The following PRH1 variants were observed in gnomAD, a reference collection of about 807,000 sequenced individuals.
PRH1 encodes salivary acidic proline-rich phosphoprotein 1/2.
A neutral mutation model predicts 7.9 loss-of-function variants in PRH1; 7 were observed. The observed-to-expected ratio is 0.89, with a 90% confidence interval of 0.50 to 1.67. PRH1 has a LOEUF of 1.67. Among genes scored for constraint, PRH1 ranks in the 40% most tolerant of loss-of-function variants. The pLI is 0.00. For synonymous variants in PRH1, 45 were observed against 80.8 expected (o/e 0.56, Z 2.38); for missense variants, 109 against 223.6 (o/e 0.49, Z 3.27).
At chr12:11,042,722 C>T (rs966530056) in intron 1 of PRH1, among the ~76,000 whole-genome samples, 1 of 149,394 alleles carries the variant, frequency 6.7e-6, no homozygotes, top group African/African-American at 2.5e-5. Context: ...CGCCACCTCC[C>T]GGGTTCACGC....
rs1944951105 is a variant in PRH1, at chr12:11,092,341, G to A, written n.124-45153C>T. 16 of 334,750 alleles carry A rather than the reference G, an allele frequency of 4.8e-5. 3 individuals carry two copies. The highest frequency in any genetic ancestry group is 1.0e-4 in the South Asian group (3 of 28,712). The allele number at this position is 334,750 out of a possible 1,614,324, so 20.7% of individuals were successfully genotyped here. A position where few individuals can be genotyped will look rare whatever the true frequency, so the allele number is the denominator to read the frequency against. On this transcript the variant is annotated intron_variant and non_coding_transcript_variant, in intron 1 of 4. Transcript: ENST00000541977. ...TCAAAAGGGAGCCACTGACCTTCAC[G>A]GTGAGTGTTGCTGCTCTTAAAGATG...
In PRH1 at chr12:10,916,923, A is replaced by ATAAAT. The variant is rs1224074899; in HGVS notation, c.-58-32649_-58-32648insATTTA. On this transcript the variant is annotated intron_variant, in intron 2 of 3. Coordinates refer to the PRH1 transcript ENST00000539853. ...ATAAAATAAAATAAAATAAAATAAA[A>ATAAAT]AAAATAGCTGGGCATGGTGGTGCAC... is the stretch of plus-strand genomic sequence containing the variant. Among the ~76,000 whole-genome samples the ATAAAT allele has an allele frequency of 3.9e-3, 580 of 150,272 alleles. 80 individuals are homozygous for ATAAAT. The highest frequency in any genetic ancestry group is 0.011 in the African/African-American group (464 of 40,818).
intron 2 of PRH1, chr12:10,937,606 AC>A (rs1950309960): frequency 6.6e-6 from 1 of 152,148 alleles, no homozygotes; most frequent in Non-Finnish European, 1.5e-5. Context: ...GAATGTTCAA[AC>A]CATTTCATTA....
intron 2 of PRH1, among the ~76,000 whole-genome samples, chr12:10,907,744 G>T (rs1949826453): frequency 1.3e-5 from 2 of 150,532 alleles, no homozygotes; most frequent in Non-Finnish European, 3.0e-5. Flanking sequence ...CTAACATGTT[G>T]CATTTTATTA....
chr12:10,927,998 C>T (rs1950147211), intron 2 of PRH1, among the ~76,000 whole-genome samples: 1 of 151,482 alleles, frequency 6.6e-6, no homozygotes, highest in South Asian at 2.1e-4. Flanking sequence ...ATTGTAGAGA[C>T]AAAAATGAAA....
At chr12:11,012,888 T>TTTTGAG (rs1438436925) in intron 1 of PRH1, among the ~76,000 whole-genome samples, 3 of 152,174 alleles carry the variant, frequency 2.0e-5, no homozygotes, top group African/African-American at 7.2e-5. Flanking sequence ...TACAGAAGGT[T>TTTTGAG]CAGAAAGGCA....
intron 2 of PRH1, among the ~76,000 whole-genome samples, chr12:10,936,422 A>G (rs1052213380): frequency 6.6e-6 from 1 of 152,258 alleles, no homozygotes; most frequent in South Asian, 2.1e-4. Context: ...TTGACATGCA[A>G]TAAGTTGTAC....
At chr12:11,021,673 C>A (rs1263007769) in intron 1 of PRH1, 3 of 1,607,380 alleles carry the variant, frequency 1.9e-6, no homozygotes, top group African/African-American at 2.7e-5. Context: ...TTCTTTCACT[C>A]AGCGTGTCAT....
chr12:11,061,237 C>A (rs570518061), intron 1 of PRH1: 3 of 1,214,488 alleles, frequency 2.5e-6, no homozygotes, highest in African/African-American at 1.5e-5. Flanking sequence ...AGGTAAAAGA[C>A]TTTTCTAGGT....
chr12:11,031,378 G>T, intron 1 of PRH1: 1 of 1,295,208 alleles, frequency 7.7e-7, no homozygotes, highest in Non-Finnish European at 1.1e-6. Context: ...CTGGTGTTGT[G>T]TCCGGAGTTG....
At chr12:11,101,740 A>G (rs1231610240) in intron 1 of PRH1, among the ~76,000 whole-genome samples, 1 of 152,222 alleles carries the variant, frequency 6.6e-6, no homozygotes, top group African/African-American at 2.4e-5. Flanking sequence ...GTTAAAATTG[A>G]TGTTACCATA....
chr12:11,151,171 C>A (rs1162372888), intron 1 of PRH1, among the ~76,000 whole-genome samples: 1 of 152,172 alleles, frequency 6.6e-6, no homozygotes, highest in Non-Finnish European at 1.5e-5. Context: ...GATTTACCTG[C>A]AGCAGCTGAA....
chr12:11,114,839 G>A (rs1376569799), intron 1 of PRH1, among the ~76,000 whole-genome samples: 1 of 151,988 alleles, frequency 6.6e-6, no homozygotes, highest in Non-Finnish European at 1.5e-5. Context: ...TGAAATAATG[G>A]GTTAGAGGGT....
chr12:11,126,341 T>C (rs1282486577), intron 1 of PRH1, among the ~76,000 whole-genome samples: 2 of 151,306 alleles, frequency 1.3e-5, no homozygotes, highest in African/African-American at 4.9e-5. Context: ...GTAAACTTTA[T>C]ATAAATGTAA....
In PRH1 at chr12:11,077,465, C is replaced by G. The variant is rs1473253245; in HGVS notation, n.124-30277G>C. On this transcript the variant is annotated intron_variant and non_coding_transcript_variant, in intron 1 of 4. Transcript: ENST00000541977. ...CCAAGAGTTTGGCAAAGCAGGAATA[C>G]AAGTTTGTTCTGCTGTGTTCAAAGA... The G allele has an allele frequency of 6.0e-6, 5 of 836,232 alleles. 1 individual carries two copies. In the African/African-American group the frequency reaches 9.1e-5, roughly 15 times the overall value. 51.8% of individuals were successfully genotyped at this position (836,232 alleles called of 1,614,324 possible). A position where few individuals can be genotyped will look rare whatever the true frequency, so the allele number is the denominator to read the frequency against.
At chr12:11,160,338 C>T (rs537155677) in intron 1 of PRH1, among the ~76,000 whole-genome samples, 9 of 152,220 alleles carry the variant, frequency 5.9e-5, no homozygotes, top group African/African-American at 2.2e-4. Flanking sequence ...TGCAATGTTA[C>T]AGGAGCTAAA....
chr12:11,152,956 T>C (rs1305632001), intron 1 of PRH1, among the ~76,000 whole-genome samples: 1 of 152,212 alleles, frequency 6.6e-6, no homozygotes, highest in Non-Finnish European at 1.5e-5. Context: ...GTAGGAGTTG[T>C]CTGGTATTAG....
intron 1 of PRH1, among the ~76,000 whole-genome samples, chr12:11,040,524 A>C (rs1375209491): frequency 6.6e-6 from 1 of 152,190 alleles, no homozygotes; most frequent in African/African-American, 2.4e-5. Context: ...GTGAGAACAC[A>C]CAGACACAGG....
chr12:10,947,067 G>A (rs1050524312), intron 2 of PRH1, among the ~76,000 whole-genome samples: 2 of 152,116 alleles, frequency 1.3e-5, no homozygotes, highest in African/African-American at 2.4e-5. Flanking sequence ...TGATTATAGA[G>A]TATGTGCCAT....
Sources: gnomAD v4.1 joint callset for allele counts (sites outside exome capture counted in the v4.1 genomes callset) on GRCh38, gnomAD v4.1.1 for gene constraint, MANE v1.5 for transcripts, NCBI Gene and HGNC (gene_info 2026-07-23, HGNC 2026-07-21) for gene names.